GALNT13: variants seen among roughly 807,000 people sequenced by gnomAD.
The protein encoded by GALNT13 is UDP-GalNAc:polypeptide N-acetylgalactosaminyltransferase 13.
GALNT13 carries 28 observed loss-of-function variants against 64.2 expected under a neutral mutation model. That is an observed-to-expected ratio of 0.44 (90% confidence interval 0.32 to 0.60). The LOEUF is 0.60. Ranked by LOEUF, GALNT13 falls within the 20% of genes least tolerant of loss-of-function variation. GALNT13 has a pLI of 0.05. For synonymous variants in GALNT13, 214 were observed against 224.6 expected (o/e 0.95, Z 0.42); for missense variants, 577 against 669.8 (o/e 0.86, Z 1.53).
the GALNT13 span, among the ~76,000 whole-genome samples, chr2:153,712,442 G>C: frequency 6.6e-6 from 1 of 152,046 alleles, no homozygotes; most frequent in Admixed American, 6.6e-5. Context: ...TCAGTATCAG[G>C]ATAAGTTTGT....
chr2:153,345,635 T>TTTTCTTTTTCTTTCTTTC, the GALNT13 span, among the ~76,000 whole-genome samples: 1 of 68,806 alleles, frequency 1.5e-5, no homozygotes, highest in East Asian at 3.6e-4. Context: ...TTTCCTTTCT[T>TTTTCTTTTTCTTTCTTTC]TTTCTTTCTT....
At chr2:154,388,988 A>G in intron 9 of GALNT13, among the ~76,000 whole-genome samples, 1 of 152,334 alleles carries the variant, frequency 6.6e-6, no homozygotes, top group East Asian at 1.9e-4. Flanking sequence ...TTTAATTACA[A>G]TAGCTGTATA....
intron 9 of GALNT13, among the ~76,000 whole-genome samples, chr2:154,357,130 C>T (rs778745234): frequency 2.6e-5 from 4 of 151,876 alleles, no homozygotes; most frequent in South Asian, 2.1e-4. Context: ...GTTTTGGGGA[C>T]GTACATTTCC....
the GALNT13 span, among the ~76,000 whole-genome samples, chr2:153,469,546 C>T: frequency 5.3e-5 from 8 of 152,004 alleles, no homozygotes; most frequent in Non-Finnish European, 7.4e-5. Context: ...TGAACAATGA[C>T]GGTTCAATTT....
At chr2:154,137,685 TA>T (rs1683033169) in intron 3 of GALNT13, among the ~76,000 whole-genome samples, 1 of 152,114 alleles carries the variant, frequency 6.6e-6, no homozygotes, top group Non-Finnish European at 1.5e-5. Context: ...CTTAAGGTGT[TA>T]GAGTTGAGCC....
At chr2:153,346,209 C>A in the GALNT13 span, among the ~76,000 whole-genome samples, 4 of 152,320 alleles carry the variant, frequency 2.6e-5, no homozygotes, top group Non-Finnish European at 1.5e-5. Context: ...CAGCATGAAT[C>A]ATAATGCCCA....
At chr2:153,586,536 C>T in the GALNT13 span, among the ~76,000 whole-genome samples, 1 of 152,044 alleles carries the variant, frequency 6.6e-6, no homozygotes, top group Admixed American at 6.6e-5. Flanking sequence ...GATTTGCAAA[C>T]AAATATTACT....
chr2:153,274,271 A>C, the GALNT13 span, among the ~76,000 whole-genome samples: 1 of 152,174 alleles, frequency 6.6e-6, no homozygotes, highest in South Asian at 2.1e-4. Flanking sequence ...TTGGCCTGCC[A>C]GGTGTTTATG....
intron 3 of GALNT13, among the ~76,000 whole-genome samples, chr2:154,123,433 A>G (rs1261163806): frequency 2.0e-5 from 3 of 151,930 alleles, no homozygotes; most frequent in Non-Finnish European, 2.9e-5. Context: ...CAAAATAGAC[A>G]CTCCTATTAT....
the GALNT13 span, among the ~76,000 whole-genome samples, chr2:153,247,848 C>A: frequency 6.6e-6 from 1 of 151,932 alleles, no homozygotes; most frequent in African/African-American, 2.4e-5. Context: ...AGAGAAGAAT[C>A]GAATAGAGAC....
At chr2:154,150,412 G>A (rs911843441) in intron 4 of GALNT13, among the ~76,000 whole-genome samples, 9 of 152,332 alleles carry the variant, frequency 5.9e-5, no homozygotes, top group African/African-American at 1.2e-4. Context: ...GTCTCTGCCC[G>A]GCTTTGGTTA....
intron 9 of GALNT13, among the ~76,000 whole-genome samples, chr2:154,346,839 C>T (rs895540726): frequency 6.6e-6 from 1 of 152,020 alleles, no homozygotes; most frequent in African/African-American, 2.4e-5. Context: ...AGATTCTCTC[C>T]TAGACCCTGG....
chr2:154,082,230 T>A (rs1701305641), intron 3 of GALNT13, among the ~76,000 whole-genome samples: 1 of 151,648 alleles, frequency 6.6e-6, no homozygotes, highest in Non-Finnish European at 1.5e-5. Flanking sequence ...TTACCTAGGG[T>A]CAGAAAACAA....
At chr2:153,525,273 G>A in the GALNT13 span, among the ~76,000 whole-genome samples, 1 of 152,320 alleles carries the variant, frequency 6.6e-6, no homozygotes, top group East Asian at 1.9e-4. Context: ...TGAGGGCTCA[G>A]GCAAGACTCA....
the GALNT13 span, among the ~76,000 whole-genome samples, chr2:153,267,349 A>G: frequency 1.3e-5 from 2 of 152,344 alleles, no homozygotes; most frequent in Admixed American, 6.5e-5. Flanking sequence ...GAGGTTTTCT[A>G]TAAGGGCTTG....
chr2:154,129,886 TA>T (rs1243021375), intron 3 of GALNT13, among the ~76,000 whole-genome samples: 1 of 152,066 alleles, frequency 6.6e-6, no homozygotes, highest in East Asian at 1.9e-4. Context: ...GCAGTTCCCT[TA>T]CCAGCTGGCG....
chr2:153,886,179 A>C (rs1179019730), intron 1 of GALNT13, among the ~76,000 whole-genome samples: 1 of 96,640 alleles, frequency 1.0e-5, no homozygotes, highest in Non-Finnish European at 2.1e-5. Context: ...TTCTGAACTG[A>C]AAAAAAAAAA....
chr2:154,147,610 G>A (rs988817976), intron 4 of GALNT13, among the ~76,000 whole-genome samples: 14 of 151,792 alleles, frequency 9.2e-5, no homozygotes, highest in Non-Finnish European at 1.9e-4. Flanking sequence ...CTCTTTGCTA[G>A]GAATGTGCAT....
chr2:154,147,991 A>G (rs1250004054), intron 4 of GALNT13, among the ~76,000 whole-genome samples: 3 of 151,874 alleles, frequency 2.0e-5, no homozygotes, highest in Non-Finnish European at 4.4e-5. Flanking sequence ...ATATGTATAC[A>G]TGTGCCATGC....
Sources: gnomAD v4.1 joint callset for allele counts (sites outside exome capture counted in the v4.1 genomes callset) on GRCh38, gnomAD v4.1.1 for gene constraint, MANE v1.5 for transcripts, NCBI Gene and HGNC (gene_info 2026-07-23, HGNC 2026-07-21) for gene names.